CNTN4: variants seen among roughly 807,000 people sequenced by gnomAD.
The protein encoded by CNTN4 is contactin-4.
CNTN4 carries 77 observed loss-of-function variants against 122.5 expected under a neutral mutation model. The ratio of observed to expected loss-of-function variants is 0.63; its 90% CI spans 0.52 to 0.76. The LOEUF (loss-of-function observed/expected upper bound fraction) is 0.76, where lower values mean the gene tolerates loss of function less well. Ranked by LOEUF, CNTN4 falls within the 30% of genes least tolerant of loss-of-function variation. The probability of loss-of-function intolerance (pLI) is 0.00; values close to 1 mark genes in which losing one functional copy is unlikely to be tolerated. For synonymous variants in CNTN4, 512 were observed against 447.0 expected (o/e 1.15, Z -1.83); for missense variants, 1,256 against 1,259.1 (o/e 1.00, Z 0.04).
chr3:2,833,265 T>C (rs944772382), intron 7 of CNTN4, among the ~76,000 whole-genome samples: 1 of 152,192 alleles, frequency 6.6e-6, no homozygotes, highest in Non-Finnish European at 1.5e-5. Flanking sequence ...CTGGCAATGA[T>C]GAGAAATGGA....
intron 14 of CNTN4, among the ~76,000 whole-genome samples, chr3:3,024,993 G>A (rs565236965): frequency 6.6e-6 from 1 of 152,158 alleles, no homozygotes; most frequent in East Asian, 1.9e-4. Context: ...TGATTGGCTC[G>A]GTTTGGTTTA....
chr3:2,405,592 T>TAGGTAGAC (rs1217211922), intron 3 of CNTN4, among the ~76,000 whole-genome samples: 1 of 104,034 alleles, frequency 9.6e-6, no homozygotes, highest in Non-Finnish European at 2.1e-5. Flanking sequence ...CTGTTATAGA[T>TAGGTAGAC]AGGTAGATAG....
At position 2,551,460 on chromosome 3, in the gene CNTN4, C is replaced by T. The variant is rs11129197; in HGVS notation, c.-88-19956C>T. On this transcript the variant is annotated intron_variant, in intron 3 of 24. Transcript: ENST00000418658. ...TTATCCACATGATAATGGATCAAGA[C>T]CGTTTGTGATGGCCAAAGATGCACA... is the stretch of plus-strand genomic sequence containing the variant. Among the ~76,000 whole-genome samples, 10 of 151,976 alleles carry T rather than the reference C, an allele frequency of 6.6e-5. No homozygotes were observed. In the East Asian group the frequency reaches 1.6e-3, roughly 24 times the overall value.
At chr3:2,430,616 C>CAAAAAAA (rs10662868) in intron 3 of CNTN4, among the ~76,000 whole-genome samples, 8 of 103,348 alleles carry the variant, frequency 7.7e-5, no homozygotes, top group African/African-American at 2.9e-4. Flanking sequence ...AGCAAATTAC[C>CAAAAAAA]AAAAAAAAAA....
intron 7 of CNTN4, among the ~76,000 whole-genome samples, chr3:2,856,229 G>T (rs1022090987): frequency 6.6e-6 from 1 of 152,232 alleles, no homozygotes; most frequent in Non-Finnish European, 1.5e-5. Flanking sequence ...ATGGAGGAGA[G>T]ATGAGCAACT....
At chr3:2,270,731 TGG>T (rs2041260495) in intron 2 of CNTN4, among the ~76,000 whole-genome samples, 1 of 151,988 alleles carries the variant, frequency 6.6e-6, no homozygotes. Flanking sequence ...TGACAGAAAA[TGG>T]AGCTCAGGAG....
At chr3:2,382,654 A>G (rs2046071376) in intron 3 of CNTN4, among the ~76,000 whole-genome samples, 1 of 152,318 alleles carries the variant, frequency 6.6e-6, no homozygotes, top group Non-Finnish European at 1.5e-5. Flanking sequence ...AAAATAAGGA[A>G]TGCTTCCTTT....
At position 2,736,352 on chromosome 3, in the gene CNTN4, G is replaced by A; in HGVS notation, c.182+11G>A. The A allele has an allele frequency of 6.2e-7, 1 of 1,612,230 alleles. No individual in the cohort carries two copies. The highest frequency in any genetic ancestry group is 8.5e-7 in the Non-Finnish European group (1 of 1,178,734). Reference sequence around the variant, plus strand: ...AAAACCTCATATCAGGTTTGTTGATGTAAAAGCATGTGTTTCCATGCATAT... The same window carrying A: ...AAAACCTCATATCAGGTTTGTTGATATAAAAGCATGTGTTTCCATGCATAT... On this transcript the variant is annotated intron_variant, in intron 5 of 24. Transcript: ENST00000418658.
chr3:2,915,211 G>A (rs1222506426), intron 12 of CNTN4, among the ~76,000 whole-genome samples: 3 of 152,092 alleles, frequency 2.0e-5, no homozygotes, highest in East Asian at 3.9e-4. Context: ...GATTACAGAC[G>A]CATGCCAACA....
At chr3:3,000,205 A>G (rs1232294139) in intron 14 of CNTN4, among the ~76,000 whole-genome samples, 3 of 151,310 alleles carry the variant, frequency 2.0e-5, no homozygotes, top group Non-Finnish European at 2.9e-5. Flanking sequence ...TAAATCTAGA[A>G]CATAATAGTG....
chr3:3,021,710 T>A (rs1198317804), intron 14 of CNTN4, among the ~76,000 whole-genome samples: 1 of 152,180 alleles, frequency 6.6e-6, no homozygotes, highest in East Asian at 1.9e-4. Flanking sequence ...ATGGAAGGAT[T>A]GGTAGGGTAT....
At chr3:2,939,575 G>C (rs2094595248) in intron 13 of CNTN4, among the ~76,000 whole-genome samples, 1 of 152,134 alleles carries the variant, frequency 6.6e-6, no homozygotes, top group South Asian at 2.1e-4. Context: ...CCCTAAAAAT[G>C]ATCACATGTA....
chr3:2,164,330 T>TAATTTACTTA (rs1169459445), intron 2 of CNTN4, among the ~76,000 whole-genome samples: 1 of 152,044 alleles, frequency 6.6e-6, no homozygotes, highest in Non-Finnish European at 1.5e-5. Flanking sequence ...CTGAGAAAAT[T>TAATTTACTTA]CGCATAACTG....
chr3:2,599,906 T>A (rs1376879078), intron 4 of CNTN4, among the ~76,000 whole-genome samples: 3 of 151,912 alleles, frequency 2.0e-5, no homozygotes, highest in East Asian at 3.9e-4. Flanking sequence ...CCAAAACATC[T>A]TCTTTATTGA....
intron 4 of CNTN4, among the ~76,000 whole-genome samples, chr3:2,604,872 C>G (rs1006600181): frequency 6.6e-6 from 1 of 151,164 alleles, no homozygotes; most frequent in African/African-American, 2.4e-5. Flanking sequence ...ATAGTAAGAG[C>G]CAATAAAGGA....
At chr3:2,104,785 T>C (rs1397082253) in intron 2 of CNTN4, among the ~76,000 whole-genome samples, 1 of 152,186 alleles carries the variant, frequency 6.6e-6, no homozygotes, top group Non-Finnish European at 1.5e-5. Flanking sequence ...AGCCAGTCTT[T>C]GTCACAGGTT....
intron 3 of CNTN4, among the ~76,000 whole-genome samples, chr3:2,425,469 T>C (rs879435654): frequency 2.0e-5 from 3 of 152,210 alleles, no homozygotes; most frequent in Non-Finnish European, 4.4e-5. Flanking sequence ...TTTTGGTTAC[T>C]GTAGCCTTGT....
At chr3:2,744,214 G>T (rs967347517) in intron 5 of CNTN4, among the ~76,000 whole-genome samples, 2 of 152,198 alleles carry the variant, frequency 1.3e-5, no homozygotes, top group African/African-American at 2.4e-5. Flanking sequence ...TTGACAAAAA[G>T]AAGGGATTAC....
intron 10 of CNTN4, among the ~76,000 whole-genome samples, chr3:2,890,450 C>T (rs746413232): frequency 1.3e-5 from 2 of 152,186 alleles, no homozygotes; most frequent in Non-Finnish European, 2.9e-5. Flanking sequence ...TTTCTTACAA[C>T]CTAGGAATTA....
Sources: allele counts gnomAD v4.1 joint callset (sites outside exome capture counted in the v4.1 genomes callset), GRCh38; gene constraint gnomAD v4.1.1; transcripts MANE v1.5; gene names NCBI Gene and HGNC (gene_info 2026-07-23, HGNC 2026-07-21).